The following MIPOL1 variants were observed in gnomAD, a reference collection of about 807,000 sequenced individuals.
The protein encoded by MIPOL1 is mirror-image polydactyly gene 1 protein.
A neutral mutation model predicts 60.9 loss-of-function variants in MIPOL1; 57 were observed. That is an observed-to-expected ratio of 0.94 (90% CI 0.76 to 1.17). The LOEUF is 1.17. Among genes scored for constraint, MIPOL1 ranks in the 50% most tolerant of loss-of-function variants. The probability of loss-of-function intolerance (pLI) is 0.00; values close to 1 mark genes in which losing one functional copy is unlikely to be tolerated. For missense variants in MIPOL1, 551 were observed against 511.6 expected (o/e 1.08, Z -0.74); for synonymous variants, 179 against 168.8 (o/e 1.06, Z -0.47).
At position 37,263,613 on chromosome 14, in the gene MIPOL1, TC is replaced by T. The variant is rs112656868; in HGVS notation, c.20-3323del. Among the ~76,000 whole-genome samples, 345 of 152,308 alleles carry T rather than the reference TC, an allele frequency of 2.3e-3. 2 individuals carry two copies. Among genetic ancestry groups the T allele is most frequent in the African/African-American group, 7.8e-3 (323 of 41,580 alleles). On this transcript the variant is annotated intron_variant, in intron 3 of 12. Transcript: ENST00000684589. ...AGATTGATAGTAATCATACATTTTT[TC>T]CTGTTGTTTAACTCTGAGAAAAGAA...
chr14:37,217,480 G>C (rs182591010), intron 1 of MIPOL1, among the ~76,000 whole-genome samples: 102 of 152,254 alleles, frequency 6.7e-4, no homozygotes, highest in African/African-American at 2.3e-3. Context: ...GATGGATATT[G>C]ATGCAAACAT....
chr14:37,291,742 T>C (rs901424776), intron 7 of MIPOL1, among the ~76,000 whole-genome samples: 37 of 151,968 alleles, frequency 2.4e-4, no homozygotes, highest in Non-Finnish European at 4.9e-4. Flanking sequence ...TTCAAGGGCC[T>C]TCTTGCCAAG....
chr14:37,517,639 G>A (rs1217219485), intron 12 of MIPOL1, among the ~76,000 whole-genome samples: 1 of 152,066 alleles, frequency 6.6e-6, no homozygotes, highest in Admixed American at 6.5e-5. Flanking sequence ...AACCCAAACA[G>A]GAGAGTAGTT....
intron 11 of MIPOL1, among the ~76,000 whole-genome samples, chr14:37,476,837 TG>T (rs2094781749): frequency 6.6e-6 from 1 of 151,932 alleles, no homozygotes; most frequent in African/African-American, 2.4e-5. Flanking sequence ...GCTAATATTT[TG>T]TTTAGGGTTT....
At chr14:37,312,640 A>G (rs965497493) in intron 9 of MIPOL1, among the ~76,000 whole-genome samples, 1 of 152,148 alleles carries the variant, frequency 6.6e-6, no homozygotes, top group African/African-American at 2.4e-5. Flanking sequence ...ATAAATCCTT[A>G]TACTCTTTAT....
chr14:37,210,504 TAG>T (rs1966743845), intron 1 of MIPOL1, among the ~76,000 whole-genome samples: 1 of 152,052 alleles, frequency 6.6e-6, no homozygotes, highest in Non-Finnish European at 1.5e-5. Context: ...GCTGTTGCAG[TAG>T]AGAGGTTTAT....
intron 10 of MIPOL1, 42 bp downstream of exon 10, chr14:37,369,666 G>T: frequency 6.9e-7 from 1 of 1,455,864 alleles, no homozygotes; most frequent in Non-Finnish European, 9.6e-7. Context: ...AAGGTTGTAA[G>T]CCCTTGGTGC....
chr14:37,349,342 T>A (rs1411880958), intron 9 of MIPOL1, among the ~76,000 whole-genome samples: 2 of 152,114 alleles, frequency 1.3e-5, no homozygotes, highest in Non-Finnish European at 1.5e-5. Context: ...GTCAAACAAA[T>A]TATGTGGCTT....
In MIPOL1 at chr14:37,206,532, G is replaced by A. The variant is rs186604233; in HGVS notation, c.-199+8428G>A. On this transcript the variant is annotated intron_variant, in intron 1 of 12. Transcript: ENST00000684589. The stretch of plus-strand genomic sequence containing the variant: ...GGATCCCCCACACAAAGTCCCTACT[G>A]GAGCACTGCCTAGTGGAACTGTGAG... Among the ~76,000 whole-genome samples, 23 of 152,300 alleles carry A rather than the reference G, an allele frequency of 1.5e-4. No individual in the cohort carries two copies. In the East Asian group the frequency reaches 4.2e-3, roughly 28 times the overall value.
chr14:37,390,393 T>C (rs1182683753), intron 10 of MIPOL1, among the ~76,000 whole-genome samples: 1 of 151,954 alleles, frequency 6.6e-6, no homozygotes, highest in Non-Finnish European at 1.5e-5. Flanking sequence ...TTGAAGACAT[T>C]CCATTGAAAA....
intron 7 of MIPOL1, among the ~76,000 whole-genome samples, chr14:37,304,786 T>C (rs1301516351): frequency 6.6e-6 from 1 of 151,796 alleles, no homozygotes; most frequent in Non-Finnish European, 1.5e-5. Context: ...TTGCATGGTA[T>C]AGGAAATCAA....
intron 10 of MIPOL1, among the ~76,000 whole-genome samples, chr14:37,407,839 C>CTT (rs2093614739): frequency 3.3e-5 from 2 of 59,794 alleles, no homozygotes; most frequent in African/African-American, 2.1e-4. Flanking sequence ...CTTTCTTCTT[C>CTT]TTCTTCTTTT....
chr14:37,367,824 G>T (rs950046035), intron 9 of MIPOL1, among the ~76,000 whole-genome samples: 1 of 151,878 alleles, frequency 6.6e-6, no homozygotes, highest in South Asian at 2.1e-4. Flanking sequence ...GAGTACACAC[G>T]ATAGTACAGT....
intron 11 of MIPOL1, among the ~76,000 whole-genome samples, chr14:37,485,089 C>A (rs1262242903): frequency 1.3e-5 from 2 of 152,014 alleles, no homozygotes; most frequent in African/African-American, 2.4e-5. Flanking sequence ...TGAGAACATG[C>A]GGTGTTTGGT....
intron 1 of MIPOL1, among the ~76,000 whole-genome samples, chr14:37,226,287 A>G (rs1400499725): frequency 2.0e-5 from 3 of 152,208 alleles, no homozygotes; most frequent in South Asian, 2.1e-4. Flanking sequence ...GTCTGCTTTC[A>G]TGCTGCTGAT....
chr14:37,365,271 T>C (rs2092431351), intron 9 of MIPOL1, among the ~76,000 whole-genome samples: 1 of 152,198 alleles, frequency 6.6e-6, no homozygotes, highest in Non-Finnish European at 1.5e-5. Context: ...CAAGTGGGCA[T>C]CCTTGTTGTT....
At position 37,266,976 on chromosome 14, in the gene MIPOL1, A is replaced by G. The variant is rs766164210; in HGVS notation, c.58A>G (p.Ile20Val). Residue 20 changes from isoleucine (I) to valine (V), a missense_variant, in exon 4 of 13, where the codon ATA (isoleucine) becomes GTA (valine). Ile to Val is a conservative substitution (Grantham distance 29, BLOSUM62 3). Transcript: ENST00000684589. ...HSYLEQETTG[I>V]NKSTQPDEQL... ...TTATCTTGAACAAGAAACTACGGGG[A>G]TAAATAAAAGTACGCAGCCAGATGA... 1 of 1,613,426 alleles carries G rather than the reference A, an allele frequency of 6.2e-7. No individual in the cohort carries two copies. The highest frequency in any genetic ancestry group is 8.5e-7 in the Non-Finnish European group (1 of 1,179,628).
intron 1 of MIPOL1, among the ~76,000 whole-genome samples, chr14:37,211,232 G>GA (rs536952811): frequency 8.7e-6 from 1 of 114,818 alleles, no homozygotes; most frequent in African/African-American, 3.4e-5. Flanking sequence ...TATCTACACA[G>GA]AAAAAAAACA....
chr14:37,225,427 C>G (rs1010809088), intron 1 of MIPOL1, among the ~76,000 whole-genome samples: 1 of 152,180 alleles, frequency 6.6e-6, no homozygotes, highest in Non-Finnish European at 1.5e-5. Context: ...GTTCCCAAAC[C>G]CCAATACTTG....
Sources: gnomAD v4.1 joint callset for allele counts (sites outside exome capture counted in the v4.1 genomes callset) on GRCh38, gnomAD v4.1.1 for gene constraint, MANE v1.5 for transcripts, NCBI Gene and HGNC (gene_info 2026-07-23, HGNC 2026-07-21) for gene names.